The following ZNF420 variants were observed in gnomAD, a reference collection of about 807,000 sequenced individuals.
The protein encoded by ZNF420 is ATM and p53-associated KZNF protein.
Under a neutral mutation model 44.7 loss-of-function variants are expected in ZNF420, and 31 were observed. That is an observed-to-expected ratio of 0.69 (90% CI 0.52 to 0.94). The LOEUF is 0.94. ZNF420 is among the 40% of genes least tolerant of loss of function. ZNF420 has a pLI of 0.00. For synonymous variants in ZNF420, 245 were observed against 267.4 expected (o/e 0.92, Z 0.82); for missense variants, 681 against 827.9 (o/e 0.82, Z 2.18).
At chr19:37,013,396 G>A (rs560732897) in intron 1 of ZNF420, among the ~76,000 whole-genome samples, 81 of 152,288 alleles carry the variant, frequency 5.3e-4, no homozygotes, top group Non-Finnish European at 1.0e-3. Flanking sequence ...GGGTCCCTGA[G>A]GCTTGCCGAT....
upstream of ZNF420, among the ~76,000 whole-genome samples, chr19:37,075,327 A>AT (rs1968126956): frequency 6.6e-6 from 1 of 152,100 alleles, no homozygotes; most frequent in Non-Finnish European, 1.5e-5. Flanking sequence ...GTTTTTCTGG[A>AT]TTTTGTCTGC....
chr19:37,015,588 T>C (rs888093843), intron 1 of ZNF420, among the ~76,000 whole-genome samples: 17 of 152,062 alleles, frequency 1.1e-4, no homozygotes, highest in African/African-American at 3.9e-4. Flanking sequence ...AAATGATGTG[T>C]GTAGAAATAA....
chr19:37,059,868 C>T (rs1312122543), intron 1 of ZNF420, among the ~76,000 whole-genome samples: 2 of 151,868 alleles, frequency 1.3e-5, no homozygotes, highest in Non-Finnish European at 2.9e-5. Context: ...GTGTCCCATT[C>T]TCTTTTCTCT....
intron 4 of ZNF420, among the ~76,000 whole-genome samples, chr19:37,102,890 G>A (rs192237025): frequency 1.4e-4 from 22 of 151,918 alleles, no homozygotes; most frequent in Admixed American, 1.4e-3. Context: ...TTTTCTACAC[G>A]TCACTTTTTT....
At chr19:37,069,745 C>A (rs1230060344) in intron 1 of ZNF420, among the ~76,000 whole-genome samples, 1 of 152,034 alleles carries the variant, frequency 6.6e-6, no homozygotes, top group Non-Finnish European at 1.5e-5. Context: ...AATCATAGAA[C>A]CATTGTAAGT....
chr19:37,029,201 A>C (rs1172387858), intron 1 of ZNF420, among the ~76,000 whole-genome samples: 1 of 152,202 alleles, frequency 6.6e-6, no homozygotes, highest in Non-Finnish European at 1.5e-5. Flanking sequence ...CCATATGGAC[A>C]CATATGGTAA....
In ZNF420 at chr19:37,029,625, G is replaced by C. The variant is rs950783633; in HGVS notation, c.-125+21543G>C. 2.0e-5 allele frequency among the ~76,000 whole-genome samples: 3 copies of C among 149,104 alleles called. No individual in the cohort carries two copies. In the Admixed American group the frequency reaches 2.0e-4, roughly 10 times the overall value. Reference sequence around the variant, plus strand: ...TGCAATGGCACGATCTCAGCTCTCTGCAGCCTCAGCCTCCCAGATTCAAGT... The same window carrying C: ...TGCAATGGCACGATCTCAGCTCTCTCCAGCCTCAGCCTCCCAGATTCAAGT... On this transcript the variant is annotated intron_variant, in intron 1 of 4. Coordinates refer to the ZNF420 transcript ENST00000587029.
intron 4 of ZNF420, among the ~76,000 whole-genome samples, chr19:37,097,405 C>T (rs1478403123): frequency 6.6e-6 from 1 of 151,976 alleles, no homozygotes; most frequent in East Asian, 1.9e-4. Context: ...TCTCTACATA[C>T]AATATGTGGT....
chr19:37,020,402 T>C (rs1447808887), intron 1 of ZNF420, among the ~76,000 whole-genome samples: 1 of 151,394 alleles, frequency 6.6e-6, no homozygotes, highest in East Asian at 1.9e-4. Context: ...AACAAAACTC[T>C]CCTCTACCCA....
At position 37,127,497 on chromosome 19, in the gene ZNF420, G is replaced by T; in HGVS notation, c.506G>T (p.Cys169Phe). The change falls in exon 5 of 5, where the codon TGT (cysteine) becomes TTT (phenylalanine). Residue 169 changes from cysteine to phenylalanine, a missense_variant. By Grantham distance (205) the Cys-to-Phe change is radical. This residue lies in a region of ZNF420 where 350 missense variants were observed against 382.5 expected (regional missense o/e 0.92). Coordinates refer to ENST00000337995, the MANE Select transcript of ZNF420 (RefSeq NM_144689.5). ...CATACTGGTGAAAAACCCTATGAATGTAAGCAATGCGGGAAGGCCTTTAGT... is the reference window on the plus strand; with the variant it reads ...CATACTGGTGAAAAACCCTATGAATTTAAGCAATGCGGGAAGGCCTTTAGT... ...SIHTGEKPYE[C>F]KQCGKAFSRD... 1 of 1,614,018 alleles carries T rather than the reference G, an allele frequency of 6.2e-7. No homozygotes were observed. Among genetic ancestry groups the T allele is most frequent in the Middle Eastern group, 1.7e-4 (1 of 6,058 alleles).
At chr19:37,056,210 G>A (rs1445543305) in intron 1 of ZNF420, among the ~76,000 whole-genome samples, 2 of 152,228 alleles carry the variant, frequency 1.3e-5, no homozygotes, top group African/African-American at 4.8e-5. Context: ...GGGATGGGGT[G>A]AACTTTGCAG....
chr19:37,047,329 T>A (rs1449176215), intron 1 of ZNF420, among the ~76,000 whole-genome samples: 1 of 152,152 alleles, frequency 6.6e-6, no homozygotes, highest in Non-Finnish European at 1.5e-5. Flanking sequence ...GGAGTGGGCT[T>A]CCCCTGTTTT....
At chr19:37,029,447 T>C (rs1281264823) in intron 1 of ZNF420, among the ~76,000 whole-genome samples, 2 of 152,234 alleles carry the variant, frequency 1.3e-5, no homozygotes, top group Non-Finnish European at 2.9e-5. Flanking sequence ...AGTAACCTTT[T>C]CTCTCATGCA....
intron 1 of ZNF420, among the ~76,000 whole-genome samples, chr19:37,032,598 A>G (rs910414870): frequency 6.6e-6 from 1 of 151,986 alleles, no homozygotes; most frequent in African/African-American, 2.4e-5. Context: ...AGAGGTCAGG[A>G]GTTCGAGACA....
chr19:37,099,376 A>AC (rs1252179342), intron 4 of ZNF420, among the ~76,000 whole-genome samples: 1 of 152,022 alleles, frequency 6.6e-6, no homozygotes, highest in East Asian at 1.9e-4. Context: ...AGCCATTCTA[A>AC]CAGCAGTGAG....
chr19:37,043,949 G>A (rs1254016403), intron 1 of ZNF420, among the ~76,000 whole-genome samples: 1 of 152,224 alleles, frequency 6.6e-6, no homozygotes, highest in Non-Finnish European at 1.5e-5. Flanking sequence ...ATGACAAAGA[G>A]AAAGTACAAG....
At chr19:37,061,113 T>C (rs1051682508) in intron 1 of ZNF420, among the ~76,000 whole-genome samples, 4 of 152,174 alleles carry the variant, frequency 2.6e-5, no homozygotes, top group African/African-American at 9.6e-5. Flanking sequence ...GGAACATGCC[T>C]GGACACCATT....
At chr19:37,049,596 AT>A (rs1379001288) in intron 1 of ZNF420, among the ~76,000 whole-genome samples, 1 of 151,940 alleles carries the variant, frequency 6.6e-6, no homozygotes, top group African/African-American at 2.4e-5. Flanking sequence ...GTTTGAGTTC[AT>A]TGTAGATTCT....
chr19:37,109,801 G>A (rs1970286742), intron 4 of ZNF420: 1 of 152,070 alleles, frequency 6.6e-6, no homozygotes, highest in Admixed American at 6.5e-5. Context: ...CTTCATGTGG[G>A]CTATTCTTTT....
Sources: allele counts gnomAD v4.1 joint callset (sites outside exome capture counted in the v4.1 genomes callset), GRCh38; gene constraint gnomAD v4.1.1; regional missense constraint gnomAD v4.1.1; transcripts MANE v1.5; gene names NCBI Gene and HGNC (gene_info 2026-07-23, HGNC 2026-07-21).